The following DDX28 variants were observed in gnomAD, a reference collection of about 807,000 sequenced individuals.
The protein encoded by DDX28 is DEAD-box helicase 28, also known as probable ATP-dependent RNA helicase DDX28.
In DDX28, 25 loss-of-function variants were observed where a neutral mutation model predicts 26.8. That is an observed-to-expected ratio of 0.93 (90% CI 0.68 to 1.30). The LOEUF (loss-of-function observed/expected upper bound fraction) is 1.30. DDX28 is among the 50% of genes most tolerant of loss of function. DDX28 has a pLI of 0.00. For synonymous variants in DDX28, 370 were observed against 311.9 expected (o/e 1.19, Z -1.96); for missense variants, 790 against 695.1 (o/e 1.14, Z -1.53).
rs1050631435 is a variant in DDX28, at chr16:68,023,191, C to T, written c.12G>A (p.Thr4=). ...CGAGGGAAAAGAGCCGCACCGGCCG[C>T]GTTAGAGCCATGTTTCCCTTAGTGC... MAL[T]RPVRLFSLVT... is the part of the protein sequence containing the mutation. Residue 4 remains threonine (T), a synonymous_variant, in exon 1 of 1, where the codon ACG becomes ACA. Transcript: ENST00000332395. The T allele has an allele frequency of 1.2e-6, 2 of 1,609,494 alleles. No homozygotes were observed. The highest frequency in any genetic ancestry group is 1.7e-5 in the Admixed American group (1 of 59,788).
In DDX28 at chr16:68,023,002, C is replaced by G; in HGVS notation, c.201G>C (p.Leu67=). The change falls in exon 1 of 1, where the codon CTG becomes CTC. Residue 67 remains leucine (L), a synonymous_variant. Transcript: ENST00000332395. ...PRPVLVRPGP[L]LVSARRPELN... is the part of the protein sequence containing the mutation. ...ACTCCGGCCGCCGCGCCGAAACCAG[C>G]AGCGGTCCGGGTCGAACCAGCACCG... 6.4e-7 allele frequency: 1 copy of G among 1,569,034 alleles called. No individual in the cohort carries two copies. Among genetic ancestry groups the G allele is most frequent in the Non-Finnish European group, 8.6e-7 (1 of 1,165,918 alleles).
chr16:68,021,350 A>T lies in DDX28; in HGVS notation c.*230T>A. On this transcript the variant is annotated 3_prime_UTR_variant, in exon 1 of 1. Transcript: ENST00000332395. ...ATTGTTAGAAATCATGACATGATAC[A>T]AAGTCAAAATCCACTTGTGTCTTGC... is the stretch of plus-strand genomic sequence containing the variant. 1.8e-6 allele frequency: 1 copy of T among 557,560 alleles called. No individual in the cohort carries two copies. The allele number at this position is 557,560 out of a possible 1,614,324, so 34.5% of individuals were successfully genotyped here.
rs771598308 is a variant in DDX28, at chr16:68,023,048, C to T, written c.155G>A (p.Arg52Lys). ...LQRQLEQRQS[R>K]RRNLPRPVLV... is the part of the protein sequence containing the mutation. ...CACCGGCCTCGGGAGGTTCCGCCGC[C>T]TGCTCTGCCGCTGTTCCAACTGCCG... Residue 52 changes from arginine to lysine, a missense_variant, in exon 1 of 1, where the codon AGG becomes AAG. Transcript: ENST00000332395. 5 of 1,596,248 alleles carry T rather than the reference C, an allele frequency of 3.1e-6. No homozygotes were observed. The Admixed American group carries it at 5.0e-5, about 16-fold the overall frequency.
chr16:68,023,100 C>T lies in DDX28; in HGVS notation c.103G>A (p.Val35Met), dbSNP rs1409202847. 1.2e-6 allele frequency: 2 copies of T among 1,602,988 alleles called. No homozygotes were observed. The highest frequency in any genetic ancestry group is 1.7e-6 in the Non-Finnish European group (2 of 1,179,812). Residue 35 changes from valine (V) to methionine (M), a missense_variant, in exon 1 of 1, where the codon GTG becomes ATG. Coordinates refer to ENST00000332395, the MANE Select transcript of DDX28 (RefSeq NM_018380.4). ...TVRSPDEPLP[V>M]VRIPVALQRQ... Reference sequence around the variant, plus strand: ...TGTAGAGCCACTGGGATGCGCACCACCGGCAGGGGTTCGTCGGGACTGCGG... The same window carrying T: ...TGTAGAGCCACTGGGATGCGCACCATCGGCAGGGGTTCGTCGGGACTGCGG...
chr16:68,021,361 C>A lies in DDX28; in HGVS notation c.*219G>T. The A allele has an allele frequency of 1.8e-6, 1 of 569,010 alleles. No homozygotes were observed. Among genetic ancestry groups the A allele is most frequent in the Non-Finnish European group, 3.1e-6 (1 of 322,798 alleles). 35.2% of individuals were successfully genotyped at this position (569,010 alleles called of 1,614,324 possible). ...TCATGACATGATACAAAGTCAAAATCCACTTGTGTCTTGCTAAAGACTACA... is the reference window on the plus strand; with the variant it reads ...TCATGACATGATACAAAGTCAAAATACACTTGTGTCTTGCTAAAGACTACA... On this transcript the variant is annotated 3_prime_UTR_variant, in exon 1 of 1. Transcript: ENST00000332395.
rs755952228 is a variant in DDX28, at chr16:68,021,557, C to T, written c.*23G>A. ...GGGAAAGATCCCTGTTCTAGCATCA[C>T]ATTTTAATCAGATTTGTCAAAATCA... On this transcript the variant is annotated 3_prime_UTR_variant, in exon 1 of 1. Coordinates refer to ENST00000332395, the MANE Select transcript of DDX28 (RefSeq NM_018380.4). 5 of 1,601,176 alleles carry T rather than the reference C, an allele frequency of 3.1e-6. No homozygotes were observed. Among genetic ancestry groups the T allele is most frequent in the Admixed American group, 3.4e-5 (2 of 59,208 alleles).
Position 68,022,124 on chromosome 16 carries a change from CAGTGGAGCTTGG to C in DDX28, c.1067_1078del (p.Ser356_His359del). ...TGTCTGTTTCACATGAGGCATGATA[CAGTGGAGCTTGG>C]AGCTGGTGATGGTGGTGACAGCATC... is the stretch of plus-strand genomic sequence containing the variant. On this transcript the variant is annotated inframe_deletion, in exon 1 of 1. Coordinates refer to ENST00000332395, the MANE Select transcript of DDX28 (RefSeq NM_018380.4). The C allele has an allele frequency of 5.6e-6, 9 of 1,614,214 alleles. No homozygotes were observed. Among genetic ancestry groups the C allele is most frequent in the Non-Finnish European group, 7.6e-6 (9 of 1,180,042 alleles).
rs779525886 is a variant in DDX28, at chr16:68,022,639, T to C, written c.564A>G (p.Gln188=). 5.5e-5 allele frequency: 89 copies of C among 1,612,908 alleles called. No homozygotes were observed. Among genetic ancestry groups the C allele is most frequent in the Non-Finnish European group, 7.5e-5 (89 of 1,179,884 alleles). ...KTLSYLLPLL[Q]RLLGQPSLDS... ...CCAGGCTTGGCTGGCCCAAGAGCCG[T>C]TGAAGCAGCGGCAGGAGGTAGCTGA... Residue 188 remains glutamine (Q), a synonymous_variant, in exon 1 of 1, where the codon CAA becomes CAG. Coordinates refer to ENST00000332395, the MANE Select transcript of DDX28 (RefSeq NM_018380.4).
chr16:68,022,600 G>A lies in DDX28; in HGVS notation c.603C>T (p.Ile201=), dbSNP rs776838498. Residue 201 remains isoleucine (I), a synonymous_variant, in exon 1 of 1, where the codon ATC becomes ATT. Transcript: ENST00000332395. The stretch of plus-strand genomic sequence containing the variant: ...CAAGGACCAGGCCTCGGGGCGCGGG[G>A]ATAGGAAGGGAGTCCAGGCTTGGCT... ...LGQPSLDSLP[I]PAPRGLVLVP... 1 of 1,613,834 alleles carries A rather than the reference G, an allele frequency of 6.2e-7. No homozygotes were observed. Among genetic ancestry groups the A allele is most frequent in the Non-Finnish European group, 8.5e-7 (1 of 1,180,012 alleles).
At position 68,022,840 on chromosome 16, in the gene DDX28, C is replaced by T. The variant is rs776982368; in HGVS notation, c.363G>A (p.Lys121=). The T allele has an allele frequency of 1.5e-5, 23 of 1,570,960 alleles. No homozygotes were observed. Among genetic ancestry groups the T allele is most frequent in the Non-Finnish European group, 2.0e-5 (23 of 1,158,826 alleles). The change falls in exon 1 of 1, where the codon AAG becomes AAA. Residue 121 remains lysine (K), a synonymous_variant. Transcript: ENST00000332395. ...RAQQEAPAVR[K]LSSKGSFADL... ...CAGCAAAGCTGCCCTTAGACGAGAG[C>T]TTTCGCACCGCTGGCGCCTCCTGTT...
Position 68,021,473 on chromosome 16 carries a change from A to T in DDX28, c.*107T>A. ...AAAGCAGTTCATCCCGCCCTCAAGG[A>T]GCCGACAGGGCAGCCCAGAGCCTCC... On this transcript the variant is annotated 3_prime_UTR_variant, in exon 1 of 1. Transcript: ENST00000332395. The T allele has an allele frequency of 8.0e-7, 1 of 1,247,288 alleles. No individual in the cohort carries two copies. The highest frequency in any genetic ancestry group is 1.1e-6 in the Non-Finnish European group (1 of 903,776). 77.3% of individuals were successfully genotyped at this position (1,247,288 alleles called of 1,614,324 possible).
Position 68,022,708 on chromosome 16 carries a change from G to T in DDX28, c.495C>A (p.Gly165=). The change falls in exon 1 of 1, where the codon GGC becomes GGA. Residue 165 remains glycine, a synonymous_variant. Transcript: ENST00000332395. The part of the protein sequence containing the change: ...QSSTIPSLLR[G]RHVVCAAETG... ...TTTCTGCGGCGCAAACGACATGGCG[G>T]CCGCGAAGTAGTGAGGGGATGGTGC... 1 of 1,613,300 alleles carries T rather than the reference G, an allele frequency of 6.2e-7. No individual in the cohort carries two copies. The highest frequency in any genetic ancestry group is 8.5e-7 in the Non-Finnish European group (1 of 1,180,032).
In DDX28 at chr16:68,021,872, TG is replaced by T; in HGVS notation, c.1330del (p.Gln444ArgfsTer13). Reference protein sequence around the residue: ...LMRVGIFQSFQKSSRDILLCT... With the variant: ...LMRVGIFQSFXKSSRDILLCT... ...GAGAAGTATGTCTCGGGAGCTCTTC[TG>T]GAAGGACTGGAAGATTCCTACCCTC... is the stretch of plus-strand genomic sequence containing the variant. On this transcript the variant is annotated frameshift_variant, in exon 1 of 1. Coordinates refer to ENST00000332395, the MANE Select transcript of DDX28 (RefSeq NM_018380.4). LOFTEE classifies it high-confidence loss of function. The T allele has an allele frequency of 6.2e-7, 1 of 1,614,202 alleles. No individual in the cohort carries two copies. Among genetic ancestry groups the T allele is most frequent in the Non-Finnish European group, 8.5e-7 (1 of 1,180,032 alleles).
At position 68,022,148 on chromosome 16, in the gene DDX28, G is replaced by A. The variant is rs2033253600; in HGVS notation, c.1055C>T (p.Thr352Ile). Residue 352 changes from threonine to isoleucine, a missense_variant, in exon 1 of 1, where the codon ACC becomes ATC. Thr to Ile is a moderately conservative substitution (Grantham distance 89, BLOSUM62 -1). Transcript: ENST00000332395. Reference protein sequence around the residue: ...NKVASPDAVTTITSSKLHCIM... With the variant: ...NKVASPDAVTIITSSKLHCIM... ...ACAGTGGAGCTTGGAGCTGGTGATG[G>A]TGGTGACAGCATCTGGGCTGGCGAC... 3.1e-6 allele frequency: 5 copies of A among 1,614,048 alleles called. No individual in the cohort carries two copies. The highest frequency in any genetic ancestry group is 4.2e-6 in the Non-Finnish European group (5 of 1,180,038).
rs1555508193 is a variant in DDX28, at chr16:68,022,442, G to A, written c.761C>T (p.Pro254Leu). The change falls in exon 1 of 1, where the codon CCT (proline) becomes CTT (leucine). Residue 254 changes from proline (P) to leucine (L), a missense_variant. By Grantham distance (98) the Pro-to-Leu change is moderately conservative (BLOSUM62 -3). Transcript: ENST00000332395. ...RRIRLQLSRQPSADVLVATPG... is the reference protein window; with the variant it reads ...RRIRLQLSRQLSADVLVATPG... ...AGTGGCCACAAGCACATCTGCTGAA[G>A]GCTGTCTGGACAGCTGCAGCCTGAT... 1.2e-6 allele frequency: 2 copies of A among 1,614,008 alleles called. No homozygotes were observed. Among genetic ancestry groups the A allele is most frequent in the South Asian group, 2.2e-5 (2 of 91,078 alleles).
rs201701226 is a variant in DDX28, at chr16:68,022,954, T to C, written c.249A>G (p.Thr83=). ...GCGGCGCGCGCTCCCAACGGCCCAG[T>C]GTGAGGCGCGCCGGCTGGTTCAACT... The part of the protein sequence containing the change: ...RPELNQPARL[T]LGRWERAPLA... Residue 83 remains threonine, a synonymous_variant, in exon 1 of 1, where the codon ACA becomes ACG. Coordinates refer to ENST00000332395, the MANE Select transcript of DDX28 (RefSeq NM_018380.4). The C allele has an allele frequency of 1.6e-3, 2,444 of 1,551,680 alleles. 38 individuals carry two copies. The African/African-American group carries it at 0.029, about 18-fold the overall frequency.
Position 68,022,914 on chromosome 16 carries a change from A to C in DDX28, c.289T>G (p.Trp97Gly). The change falls in exon 1 of 1, where the codon TGG (tryptophan) becomes GGG (glycine). Residue 97 changes from tryptophan to glycine, a missense_variant. Transcript: ENST00000332395. Reference protein sequence around the residue: ...WERAPLASQGWKSRRARRDHF... With the variant: ...WERAPLASQGGKSRRARRDHF... Reference sequence around the variant, plus strand: ...TCCCGACGCGCGCGTCGACTCTTCCAGCCTTGAGAGGCTAGCGGCGCGCGC... The same window carrying C: ...TCCCGACGCGCGCGTCGACTCTTCCCGCCTTGAGAGGCTAGCGGCGCGCGC... 1 of 1,559,360 alleles carries C rather than the reference A, an allele frequency of 6.4e-7. No homozygotes were observed. The highest frequency in any genetic ancestry group is 1.4e-5 in the African/African-American group (1 of 73,602).
In DDX28 at chr16:68,022,318, G is replaced by A. The variant is rs2033257160; in HGVS notation, c.885C>T (p.Ser295=). The A allele has an allele frequency of 1.2e-6, 2 of 1,614,242 alleles. No individual in the cohort carries two copies. Among genetic ancestry groups the A allele is most frequent in the Non-Finnish European group, 1.7e-6 (2 of 1,180,040 alleles). Residue 295 remains serine (S), a synonymous_variant, in exon 1 of 1, where the codon AGC becomes AGT. Coordinates refer to ENST00000332395, the MANE Select transcript of DDX28 (RefSeq NM_018380.4). The stretch of plus-strand genomic sequence containing the variant: ...AGATGTAGTCCACCAGTTCCAGGAA[G>A]CTTTCATCCAGCAGTGTGTCTGCCT... ...LDEADTLLDE[S]FLELVDYILE...
At position 68,022,043 on chromosome 16, in the gene DDX28, T is replaced by C. The variant is rs758481566; in HGVS notation, c.1160A>G (p.His387Arg). Reference sequence around the variant, plus strand: ...ACCAGTCCTTTCTGCTCTGTCACGATGCTTGAGGATGTGCACCAGCTCGGC... The same window carrying C: ...ACCAGTCCTTTCTGCTCTGTCACGACGCTTGAGGATGTGCACCAGCTCGGC... Reference protein sequence around the residue: ...KVAELVHILKHRDRAERTGPS... With the variant: ...KVAELVHILKRRDRAERTGPS... The change falls in exon 1 of 1, where the codon CAT becomes CGT. Residue 387 changes from histidine to arginine, a missense_variant. His to Arg is a conservative substitution (Grantham distance 29, BLOSUM62 0). Transcript: ENST00000332395. 1.2e-6 allele frequency: 2 copies of C among 1,614,204 alleles called. No homozygotes were observed. The highest frequency in any genetic ancestry group is 1.7e-6 in the Non-Finnish European group (2 of 1,180,036).
Sources: gnomAD v4.1 joint callset for allele counts on GRCh38, gnomAD v4.1.1 for gene constraint, MANE v1.5 for transcripts, NCBI Gene and HGNC (gene_info 2026-07-23, HGNC 2026-07-21) for gene names.